The following KARS1 variants were observed in gnomAD, a reference collection of about 807,000 sequenced individuals.
KARS1 encodes lysine--tRNA ligase.
In KARS1, 50 loss-of-function variants were observed where a neutral mutation model predicts 63.9. The ratio of observed to expected loss-of-function variants is 0.78; its 90% CI spans 0.62 to 0.99. The LOEUF is 0.99. KARS1 is among the 50% of genes least tolerant of loss of function. KARS1 has a pLI of 0.00. For missense variants in KARS1, 816 were observed against 754.5 expected (o/e 1.08, Z -0.95); for synonymous variants, 320 against 264.6 (o/e 1.21, Z -2.03).
chr16:75,633,567 G>A (rs1252974350), intron 7 of KARS1, among the ~76,000 whole-genome samples: 1 of 149,294 alleles, frequency 6.7e-6, no homozygotes, highest in African/African-American at 2.5e-5. Flanking sequence ...ACCCAGGCTG[G>A]AGTGCAGTTG....
chr16:75,639,775 T>C (rs1294720720), intron 3 of KARS1: 1 of 171,256 alleles, frequency 5.8e-6, no homozygotes, highest in Non-Finnish European at 1.2e-5. Flanking sequence ...AAGGAAAAGA[T>C]GTGATTTTTT....
chr16:75,634,461 GAC>G (rs2082142736), intron 6 of KARS1, among the ~76,000 whole-genome samples, 169 bp from the exon 7 acceptor site: 1 of 152,192 alleles, frequency 6.6e-6, no homozygotes, highest in African/African-American at 2.4e-5. Flanking sequence ...GATTTTCTAC[GAC>G]AGTGTCTCAA....
In KARS1 at chr16:75,627,960, C is replaced by G; in HGVS notation, c.1729G>C (p.Asp577His). 4 of 1,611,518 alleles carry G rather than the reference C, an allele frequency of 2.5e-6. No homozygotes were observed. Among genetic ancestry groups the G allele is most frequent in the Non-Finnish European group, 3.4e-6 (4 of 1,177,634 alleles). ...GTGGTTGCTACATTCTCCTTCTTGTCTTCGGGTTTCATGGCAGGAAACAGA... is the reference window on the plus strand; with the variant it reads ...GTGGTTGCTACATTCTCCTTCTTGTGTTCGGGTTTCATGGCAGGAAACAGA... ...VLLFPAMKPE[D>H]KKENVATTDT... Residue 577 changes from aspartate (D) to histidine (H), a missense_variant, in exon 14 of 14, where the codon GAC becomes CAC. Physicochemically the swap from Asp to His is moderately conservative, Grantham distance 81. Coordinates refer to ENST00000302445, the MANE Select transcript of KARS1 (RefSeq NM_005548.3).
At chr16:75,634,390 C>A in intron 6 of KARS1, 98 bp from the exon 7 acceptor site, 1 of 1,242,136 alleles carries the variant, frequency 8.1e-7, no homozygotes, top group Non-Finnish European at 1.2e-6. Context: ...TGTTATACCC[C>A]AAACTAAATG....
At chr16:75,638,392 C>T (rs377650021) in intron 3 of KARS1, among the ~76,000 whole-genome samples, 2 of 152,092 alleles carry the variant, frequency 1.3e-5, no homozygotes, top group African/African-American at 2.4e-5. Flanking sequence ...CCGGTCCCCC[C>T]GCCCCTTGAC....
Position 75,647,628 on chromosome 16 carries a change from C to T in KARS1, c.12G>A (p.Val4=), listed in dbSNP as rs996106395. ...CATCCACTTTCACCTCGGCCGCCTG[C>T]ACGGCCGCCATCTTCCCGGAGGGCC... MAA[V]QAAEVKVDGS... The change falls in exon 1 of 14, where the codon GTG becomes GTA. Residue 4 remains valine, a synonymous_variant. Transcript: ENST00000302445. 1.1e-5 allele frequency: 17 copies of T among 1,613,622 alleles called. No homozygotes were observed. The highest frequency in any genetic ancestry group is 1.4e-5 in the Non-Finnish European group (17 of 1,179,794).
In KARS1 at chr16:75,630,750, T is replaced by A. The variant is rs116989849; in HGVS notation, c.1339-242A>T. On this transcript the variant is annotated intron_variant, in intron 10 of 13. Coordinates refer to ENST00000302445, the MANE Select transcript of KARS1 (RefSeq NM_005548.3). ...TCCTGGTTCCAGTGATTCTCGTGCC[T>A]CAGCCTCCTGAATAGCGGGGATTAC... 6.6e-4 allele frequency among the ~76,000 whole-genome samples: 100 copies of A among 152,252 alleles called. 1 individual carries two copies. In the East Asian group the frequency reaches 0.017, roughly 26 times the overall value.
At position 75,635,812 on chromosome 16, in the gene KARS1, C is replaced by A; in HGVS notation, c.670-7G>T. 1 of 1,614,108 alleles carries A rather than the reference C, an allele frequency of 6.2e-7. No homozygotes were observed. The highest frequency in any genetic ancestry group is 1.1e-5 in the South Asian group (1 of 91,068). On this transcript the variant is annotated splice_region_variant and splice_polypyrimidine_tract_variant and intron_variant, in intron 5 of 13. Transcript: ENST00000302445. ...TCTGGCGATACCTTGTTTCCTAAAC[C>A]AAAAGCAGCAGTTAGAAATCACTGG...
In KARS1 at chr16:75,643,526, C is replaced by T. The variant is rs1037953742; in HGVS notation, c.63-1803G>A. ...CGGAGTAGCTGGGACTACAGGTGCC[C>T]GCCACCATGCCCGGCTAATTTTTTT... On this transcript the variant is annotated intron_variant, in intron 1 of 13. Transcript: ENST00000302445. 5.3e-5 allele frequency among the ~76,000 whole-genome samples: 8 copies of T among 151,978 alleles called. 1 individual carries two copies. The East Asian group carries it at 1.4e-3, about 26-fold the overall frequency.
At chr16:75,636,387 C>T in intron 4 of KARS1, 67 bp downstream of exon 4, 2 of 1,003,544 alleles carry the variant, frequency 2.0e-6, no homozygotes, top group South Asian at 1.3e-5. Flanking sequence ...AGTAAGACCA[C>T]ATCAGCCTAT....
chr16:75,637,189 G>C (rs573159522), intron 3 of KARS1, among the ~76,000 whole-genome samples: 3 of 152,046 alleles, frequency 2.0e-5, no homozygotes, highest in African/African-American at 7.2e-5. Context: ...CTAGAGAGGC[G>C]AAGCGAAAAA....
At position 75,634,100 on chromosome 16, in the gene KARS1, C is replaced by A. The variant is rs781430538; in HGVS notation, c.915+73G>T. 5 of 1,506,442 alleles carry A rather than the reference C, an allele frequency of 3.3e-6. No homozygotes were observed. The Admixed American group carries it at 6.7e-5, about 20-fold the overall frequency. 93.3% of individuals were successfully genotyped at this position (1,506,442 alleles called of 1,614,324 possible). ...CTCTCTCTGTTCCTCTTATTTCTGA[C>A]TATACCCATCTAGCCAGTGGTATTC... On this transcript the variant is annotated intron_variant, in intron 7 of 13. Transcript: ENST00000302445.
rs1454550387 is a variant in KARS1, at chr16:75,629,410, C to T, written c.1551+5G>A. 1.9e-6 allele frequency: 3 copies of T among 1,613,810 alleles called. No homozygotes were observed. The highest frequency in any genetic ancestry group is 3.3e-5 in the Admixed American group (2 of 60,002). Reference sequence around the variant, plus strand: ...ACAGCTTCTGCTCACAGTCCCCTTTCTCACCTTGGCCTGTTCTTCAAAAAG... The same window carrying T: ...ACAGCTTCTGCTCACAGTCCCCTTTTTCACCTTGGCCTGTTCTTCAAAAAG... On this transcript the variant is annotated splice_donor_5th_base_variant and intron_variant, in intron 12 of 13. Coordinates refer to ENST00000302445, the MANE Select transcript of KARS1 (RefSeq NM_005548.3).
chr16:75,637,322 G>C (rs2082172797), intron 3 of KARS1, among the ~76,000 whole-genome samples: 1 of 151,908 alleles, frequency 6.6e-6, no homozygotes, highest in South Asian at 2.1e-4. Flanking sequence ...GCAGTGGGGA[G>C]AAATGGGGTA....
chr16:75,630,012 C>A (rs188314760), intron 11 of KARS1, among the ~76,000 whole-genome samples: 2 of 152,340 alleles, frequency 1.3e-5, no homozygotes, highest in African/African-American at 4.8e-5. Context: ...ACACCTCTTG[C>A]ATTCATGCCC....
intron 7 of KARS1, chr16:75,633,958 A>T: frequency 1.7e-6 from 1 of 578,738 alleles, no homozygotes. Flanking sequence ...TATACATGGG[A>T]AAGACAACCC....
At chr16:75,633,115 G>A (rs4888441) in intron 7 of KARS1, among the ~76,000 whole-genome samples, 2 of 151,888 alleles carry the variant, frequency 1.3e-5, no homozygotes, top group African/African-American at 2.4e-5. Context: ...CCTCTCTTAC[G>A]ATGTTAATTA....
chr16:75,643,257 T>G (rs113272137), intron 1 of KARS1, among the ~76,000 whole-genome samples: 1 of 152,228 alleles, frequency 6.6e-6, no homozygotes, highest in East Asian at 1.9e-4. Flanking sequence ...TCTGCAATAG[T>G]GAACCACAGC....
At chr16:75,633,135 G>C (rs2082130092) in intron 7 of KARS1, among the ~76,000 whole-genome samples, 1 of 152,168 alleles carries the variant, frequency 6.6e-6, no homozygotes. Flanking sequence ...ATCCACAAGT[G>C]TGTTTACTCA....
Sources: gnomAD v4.1 joint callset for allele counts (sites outside exome capture counted in the v4.1 genomes callset) on GRCh38, gnomAD v4.1.1 for gene constraint, MANE v1.5 for transcripts, NCBI Gene and HGNC (gene_info 2026-07-23, HGNC 2026-07-21) for gene names.